TTF2: variants seen among roughly 807,000 people sequenced by gnomAD.
The protein encoded by TTF2 is RNA polymerase II termination factor.
TTF2 carries 108 observed loss-of-function variants against 142.4 expected under a neutral mutation model. That is an observed-to-expected ratio of 0.76 (90% CI 0.65 to 0.89). The LOEUF (loss-of-function observed/expected upper bound fraction) is 0.89, where lower values mean the gene tolerates loss of function less well. Among genes scored for constraint, TTF2 ranks in the 40% least tolerant of loss-of-function variants. TTF2 has a pLI of 0.00. For synonymous variants in TTF2, 483 were observed against 506.2 expected (o/e 0.95, Z 0.61); for missense variants, 1,327 against 1,379.8 (o/e 0.96, Z 0.61).
In TTF2 at chr1:117,096,266, G is replaced by A; in HGVS notation, c.3153G>A (p.Leu1051=). The change falls in exon 20 of 23, where the codon TTG becomes TTA. Residue 1051 remains leucine (L), a synonymous_variant. Transcript: ENST00000369466. ...TCAATCCCAAGCAGAGAATGGACTT[G>A]GTAGAGGCATTTAACCACTCCAGAG... is the stretch of plus-strand genomic sequence containing the variant. ...GSVNPKQRMD[L]VEAFNHSRGP... 1 of 1,614,084 alleles carries A rather than the reference G, an allele frequency of 6.2e-7. No individual in the cohort carries two copies. The highest frequency in any genetic ancestry group is 1.7e-5 in the Admixed American group (1 of 60,014).
At chr1:117,066,350 A>C (rs539137001) in intron 3 of TTF2, among the ~76,000 whole-genome samples, 211 of 152,278 alleles carry the variant, frequency 1.4e-3, no homozygotes, top group Non-Finnish European at 1.8e-3. Context: ...CCTGAATTGA[A>C]GTAGCAGCAG....
intron 3 of TTF2, among the ~76,000 whole-genome samples, chr1:117,066,793 CCCA>C (rs1346415722): frequency 6.6e-6 from 1 of 151,708 alleles, no homozygotes; most frequent in African/African-American, 2.4e-5. Context: ...ACCTCTGCCT[CCCA>C]GGTTCAGGTG....
At position 117,079,300 on chromosome 1, in the gene TTF2, A is replaced by G. The variant is rs1271646918; in HGVS notation, c.1702-268A>G. Among the ~76,000 whole-genome samples, 1 of 152,200 alleles carries G rather than the reference A, an allele frequency of 6.6e-6. No individual in the cohort carries two copies. Among genetic ancestry groups the G allele is most frequent in the Non-Finnish European group, 1.5e-5 (1 of 68,036 alleles). Reference sequence around the variant, plus strand: ...TGATTTTGACTGATTAAGCAGACAAATCAGGACTCTCACTTGGGGTGTAGG... The same window carrying G: ...TGATTTTGACTGATTAAGCAGACAAGTCAGGACTCTCACTTGGGGTGTAGG... On this transcript the variant is annotated intron_variant, in intron 8 of 22. Transcript: ENST00000369466. This position sits in a 1 kb window ranked among gnomAD's most constrained non-coding sequence, Gnocchi z 4.2.
chr1:117,066,860 G>A (rs1656182147), intron 3 of TTF2, among the ~76,000 whole-genome samples: 2 of 151,932 alleles, frequency 1.3e-5, no homozygotes, highest in African/African-American at 4.8e-5. Context: ...GTGTCACGAC[G>A]CCCAGCTAAT....
intron 16 of TTF2, 76 bp downstream of exon 16, chr1:117,091,486 G>A: frequency 6.9e-7 from 1 of 1,440,198 alleles, no homozygotes. Flanking sequence ...ACAGAAATGT[G>A]AGGTTATGAA....
Position 117,070,268 on chromosome 1 carries a change from C to T in TTF2, c.219-3393C>T, listed in dbSNP as rs1372451112. On this transcript the variant is annotated intron_variant, in intron 3 of 22. Transcript: ENST00000369466. The surrounding 1 kb of genome is among the most constrained non-coding windows in gnomAD (Gnocchi z 4.2). ...CAATGGGGGCATATTCTGAGAAATG[C>T]GTCATTAGGAGATTTCATTTTTGTG... Among the ~76,000 whole-genome samples, 2 of 152,282 alleles carry T rather than the reference C, an allele frequency of 1.3e-5. No homozygotes were observed. Among genetic ancestry groups the T allele is most frequent in the South Asian group, 2.1e-4 (1 of 4,830 alleles).
chr1:117,096,121 T>A, intron 19 of TTF2, 28 bp from the exon 20 acceptor site: 1 of 1,612,850 alleles, frequency 6.2e-7, no homozygotes, highest in Admixed American at 1.7e-5. Flanking sequence ...TATGTTAGGG[T>A]ATTTTTTTAT....
Position 117,086,599 on chromosome 1 carries a change from A to T in TTF2, c.2160+77A>T. 1 of 1,044,764 alleles carries T rather than the reference A, an allele frequency of 9.6e-7. No homozygotes were observed. Among genetic ancestry groups the T allele is most frequent in the Admixed American group, 1.9e-5 (1 of 51,586 alleles). 64.7% of individuals were successfully genotyped at this position (1,044,764 alleles called of 1,614,324 possible). On this transcript the variant is annotated intron_variant, in intron 12 of 22. Coordinates refer to ENST00000369466, the MANE Select transcript of TTF2 (RefSeq NM_003594.4). The surrounding 1 kb of genome is among the most constrained non-coding windows in gnomAD (Gnocchi z 4.2). ...ATGGGAGTCTTTCTCAGCCTCCACG[A>T]TAGCAAGAGGACCTCCCTGGAGGTC...
In TTF2 at chr1:117,100,137, CAT is replaced by C. The variant is rs1293243695; in HGVS notation, c.3344+1231_3344+1232del. 2.0e-5 allele frequency among the ~76,000 whole-genome samples: 3 copies of C among 152,234 alleles called. No homozygotes were observed. The highest frequency in any genetic ancestry group is 7.2e-5 in the African/African-American group (3 of 41,462). ...ACCCACTATGTAGCAAGTATAATTA[CAT>C]GTTTCAGGTACTCAAATGTTACAAA... On this transcript the variant is annotated intron_variant, in intron 22 of 22. Coordinates refer to ENST00000369466, the MANE Select transcript of TTF2 (RefSeq NM_003594.4). This position sits in a 1 kb window ranked among gnomAD's most constrained non-coding sequence, Gnocchi z 4.6.
intron 13 of TTF2, 129 bp downstream of exon 13, chr1:117,089,111 C>T: frequency 2.2e-6 from 2 of 901,516 alleles, no homozygotes; most frequent in Non-Finnish European, 3.2e-6. Flanking sequence ...GCCTGTCAAC[C>T]TTTAAAGGAC....
Position 117,091,425 on chromosome 1 carries a change from T to C in TTF2, c.2671+15T>C. The C allele has an allele frequency of 2.5e-6, 4 of 1,601,264 alleles. No homozygotes were observed. Among genetic ancestry groups the C allele is most frequent in the Non-Finnish European group, 3.4e-6 (4 of 1,175,260 alleles). On this transcript the variant is annotated intron_variant, in intron 16 of 22. Coordinates refer to ENST00000369466, the MANE Select transcript of TTF2 (RefSeq NM_003594.4). ...ATTCAGTAGAGGTAAGCTGTAGGACTCTCATAAATACATATGACTGGTGAA... is the reference window on the plus strand; with the variant it reads ...ATTCAGTAGAGGTAAGCTGTAGGACCCTCATAAATACATATGACTGGTGAA...
At chr1:117,096,568 A>T (rs1202258734) in intron 20 of TTF2, among the ~76,000 whole-genome samples, 1 of 152,026 alleles carries the variant, frequency 6.6e-6, no homozygotes, top group East Asian at 1.9e-4. Flanking sequence ...AGTAGAGATG[A>T]GGTTTCACCA....
rs1647455801 is a variant in TTF2, at chr1:117,080,970, T to G, written c.1784-858T>G. ...TACTTCAGCTGGTTACACAGGTGGCTTCAGCCTGGTATATACCAAGTTTTC... is the reference window on the plus strand; with the variant it reads ...TACTTCAGCTGGTTACACAGGTGGCGTCAGCCTGGTATATACCAAGTTTTC... On this transcript the variant is annotated intron_variant, in intron 9 of 22. Transcript: ENST00000369466. This position sits in a 1 kb window ranked among gnomAD's most constrained non-coding sequence, Gnocchi z 4.3. 6.6e-6 allele frequency among the ~76,000 whole-genome samples: 1 copy of G among 152,192 alleles called. No individual in the cohort carries two copies. The highest frequency in any genetic ancestry group is 1.5e-5 in the Non-Finnish European group (1 of 68,020).
rs766692155 is a variant in TTF2 at position 117,070,269 on chromosome 1, G to A, written c.219-3392G>A. Among the ~76,000 whole-genome samples the A allele has an allele frequency of 3.3e-5, 5 of 152,194 alleles. No homozygotes were observed. The highest frequency in any genetic ancestry group is 6.5e-5 in the Admixed American group (1 of 15,276). ...AATGGGGGCATATTCTGAGAAATGC[G>A]TCATTAGGAGATTTCATTTTTGTGT... On this transcript the variant is annotated intron_variant, in intron 3 of 22. Coordinates refer to ENST00000369466, the MANE Select transcript of TTF2 (RefSeq NM_003594.4). This position sits in a 1 kb window ranked among gnomAD's most constrained non-coding sequence, Gnocchi z 4.2.
At chr1:117,065,039 A>G (rs1655978808) in intron 3 of TTF2, among the ~76,000 whole-genome samples, 1 of 152,162 alleles carries the variant, frequency 6.6e-6, no homozygotes, top group Non-Finnish European at 1.5e-5. Flanking sequence ...AATATATGTA[A>G]GTCTATTTCT....
At position 117,075,626 on chromosome 1, in the gene TTF2, G is replaced by T. The variant is rs142389812; in HGVS notation, c.1042G>T (p.Ala348Ser). 3 of 1,614,076 alleles carry T rather than the reference G, an allele frequency of 1.9e-6. No individual in the cohort carries two copies. The highest frequency in any genetic ancestry group is 2.5e-6 in the Non-Finnish European group (3 of 1,180,030). The change falls in exon 5 of 23, where the codon GCC becomes TCC. Residue 348 changes from alanine to serine, a missense_variant. Coordinates refer to ENST00000369466, the MANE Select transcript of TTF2 (RefSeq NM_003594.4). This position sits in a 1 kb window ranked among gnomAD's most constrained non-coding sequence, Gnocchi z 4.5. ...GLSLGEGREA[A>S]TSSDDEEEDD... is the part of the protein sequence containing the mutation. The stretch of plus-strand genomic sequence containing the variant: ...TTCCCTGGGTGAGGGCCGTGAAGCT[G>T]CCACAAGCAGTGACGACGAGGAGGA...
chr1:117,094,270 C>T (rs1175391187), intron 18 of TTF2, among the ~76,000 whole-genome samples: 1 of 152,096 alleles, frequency 6.6e-6, no homozygotes, highest in Non-Finnish European at 1.5e-5. Flanking sequence ...ATCTGAGTCC[C>T]AAAGTGGTCC....
rs1016433780 is a variant in TTF2, at chr1:117,080,323, T to C, written c.1783+674T>C. On this transcript the variant is annotated intron_variant, in intron 9 of 22. Coordinates refer to ENST00000369466, the MANE Select transcript of TTF2 (RefSeq NM_003594.4). The surrounding 1 kb of genome is among the most constrained non-coding windows in gnomAD (Gnocchi z 4.3). The stretch of plus-strand genomic sequence containing the variant: ...CACTACACCTGGCCTAAAAGTAGTC[T>C]ATAAAAAGCATCACAGCTACTTTGC... Among the ~76,000 whole-genome samples, 7 of 152,114 alleles carry C rather than the reference T, an allele frequency of 4.6e-5. No homozygotes were observed. The highest frequency in any genetic ancestry group is 1.4e-4 in the African/African-American group (6 of 41,426).
rs1034323605 is a variant in TTF2, at chr1:117,076,885, G to A, written c.1573+62G>A. The A allele has an allele frequency of 3.4e-6, 5 of 1,474,916 alleles. No homozygotes were observed. Among genetic ancestry groups the A allele is most frequent in the Non-Finnish European group, 4.6e-6 (5 of 1,091,070 alleles). 91.4% of individuals were successfully genotyped at this position (1,474,916 alleles called of 1,614,324 possible). A position where few individuals can be genotyped will look rare whatever the true frequency, so the allele number is the denominator to read the frequency against. ...ACCCCTGTGAGTTACGTGCCACCCGGTACAGTAGTCACCTCTTATCCACAC... is the reference window on the plus strand; with the variant it reads ...ACCCCTGTGAGTTACGTGCCACCCGATACAGTAGTCACCTCTTATCCACAC... On this transcript the variant is annotated intron_variant, in intron 7 of 22. Coordinates refer to ENST00000369466, the MANE Select transcript of TTF2 (RefSeq NM_003594.4). This position sits in a 1 kb window ranked among gnomAD's most constrained non-coding sequence, Gnocchi z 4.6.
Sources: gnomAD v4.1 joint callset for allele counts (sites outside exome capture counted in the v4.1 genomes callset) on GRCh38, gnomAD v4.1.1 for gene constraint, Gnocchi (gnomAD v3.1) non-coding constraint, MANE v1.5 for transcripts, NCBI Gene and HGNC (gene_info 2026-07-23, HGNC 2026-07-21) for gene names.